PPP2R2B: variants seen among roughly 807,000 people sequenced by gnomAD.
PPP2R2B encodes the protein serine/threonine-protein phosphatase 2A 55 kDa regulatory subunit B beta isoform.
Under a neutral mutation model 46.0 loss-of-function variants are expected in PPP2R2B, and 5 were observed. That is an observed-to-expected ratio of 0.11 (90% CI 0.06 to 0.23). The LOEUF is 0.23. Ranked by LOEUF, PPP2R2B falls within the 10% of genes least tolerant of loss-of-function variation. The pLI is 1.00. For synonymous variants in PPP2R2B, 215 were observed against 206.7 expected, an observed-to-expected ratio of 1.04 and a Z score of -0.34; for missense variants, 367 against 575.0, an observed-to-expected ratio of 0.64 and a Z score of 3.70.
At chr5:146,687,181 T>C (rs1778562114) in intron 5 of PPP2R2B, among the ~76,000 whole-genome samples, 1 of 152,068 alleles carries the variant, frequency 6.6e-6, no homozygotes, top group Non-Finnish European at 1.5e-5. Context: ...AAGACAAACA[T>C]TTCAAATGCC....
chr5:146,942,735 T>C (rs745942956), intron 1 of PPP2R2B, among the ~76,000 whole-genome samples: 3 of 152,178 alleles, frequency 2.0e-5, no homozygotes, highest in Non-Finnish European at 4.4e-5. Context: ...AATATTTCTA[T>C]GTTCTCCTAT....
At chr5:146,763,940 T>A (rs143133271) in intron 2 of PPP2R2B, among the ~76,000 whole-genome samples, 1 of 152,276 alleles carries the variant, frequency 6.6e-6, no homozygotes, top group African/African-American at 2.4e-5. Flanking sequence ...TTGCACAGGC[T>A]AGTCTTGAAC....
chr5:146,748,133 T>C (rs1232214666), intron 2 of PPP2R2B, among the ~76,000 whole-genome samples: 1 of 152,186 alleles, frequency 6.6e-6, no homozygotes, highest in Non-Finnish European at 1.5e-5. Context: ...CATGGGTCTT[T>C]TATGATCCCC....
At chr5:147,080,692 C>A (rs1757945431) in intron 2 of PPP2R2B, among the ~76,000 whole-genome samples, 1 of 152,012 alleles carries the variant, frequency 6.6e-6, no homozygotes, top group African/African-American at 2.4e-5. Context: ...TCATGTATTG[C>A]CAATGGTCCT....
At chr5:147,044,845 T>C (rs945986340) in intron 1 of PPP2R2B, among the ~76,000 whole-genome samples, 3 of 152,188 alleles carry the variant, frequency 2.0e-5, no homozygotes, top group African/African-American at 4.8e-5. Context: ...TCTTGCTGAA[T>C]AAACATGATA....
intron 1 of PPP2R2B, among the ~76,000 whole-genome samples, chr5:146,911,197 C>A (rs1763169857): frequency 6.6e-6 from 1 of 151,970 alleles, no homozygotes; most frequent in Non-Finnish European, 1.5e-5. Context: ...AAAGCTCCTG[C>A]CTCAGCCTCC....
chr5:146,696,265 G>A (rs916541280), intron 4 of PPP2R2B, among the ~76,000 whole-genome samples: 19 of 152,022 alleles, frequency 1.2e-4, no homozygotes, highest in African/African-American at 3.6e-4. Context: ...CACCACACCC[G>A]GCTAATTTTT....
At chr5:147,072,073 G>A (rs1490897654) in intron 2 of PPP2R2B, among the ~76,000 whole-genome samples, 1 of 152,174 alleles carries the variant, frequency 6.6e-6, no homozygotes, top group African/African-American at 2.4e-5. Context: ...AATTTCTGGT[G>A]TAGGATTCAA....
At chr5:146,605,894 C>T (rs1166314584) in intron 7 of PPP2R2B, among the ~76,000 whole-genome samples, 1 of 152,124 alleles carries the variant, frequency 6.6e-6, no homozygotes, top group Non-Finnish European at 1.5e-5. Context: ...TCTTATGTGC[C>T]TTGTGTAGAC....
chr5:147,073,148 G>A (rs1481857260), intron 2 of PPP2R2B, among the ~76,000 whole-genome samples: 1 of 152,170 alleles, frequency 6.6e-6, no homozygotes, highest in African/African-American at 2.4e-5. Context: ...ATAAATATTT[G>A]TTAATTAAAC....
At chr5:147,031,129 C>T (rs879484852) in intron 1 of PPP2R2B, among the ~76,000 whole-genome samples, 16 of 151,686 alleles carry the variant, frequency 1.1e-4, no homozygotes, top group Non-Finnish European at 1.9e-4. Context: ...CCCAGCCACT[C>T]GGGAGGCTGA....
chr5:146,677,211 A>G (rs377507819), intron 5 of PPP2R2B, among the ~76,000 whole-genome samples: 9 of 152,330 alleles, frequency 5.9e-5, no homozygotes, highest in African/African-American at 1.9e-4. Context: ...AATTGGACAG[A>G]GTTTTCGCTT....
At position 146,878,415 on chromosome 5, in the gene PPP2R2B, G is replaced by A. The variant is rs2151420418; in HGVS notation, c.-125+176C>T. 1.5e-6 allele frequency: 2 copies of A among 1,375,420 alleles called. No individual in the cohort carries two copies. Among genetic ancestry groups the A allele is most frequent in the East Asian group, 2.7e-5 (1 of 37,620 alleles). The allele number at this position is 1,375,420 out of a possible 1,614,324, so 85.2% of individuals were successfully genotyped here. On this transcript the variant is annotated intron_variant, in intron 1 of 9. Coordinates refer to ENST00000394411, the MANE Select transcript of PPP2R2B (RefSeq NM_181675.4). The surrounding 1 kb of genome is among the most constrained non-coding windows in gnomAD (Gnocchi z 4.5). ...GGTCTGGTCCCGCCCGCCCGCCCCG[G>A]AGGCGCTCACAAGCGGGTCTGGGGA...
chr5:146,935,239 T>G (rs1354541644), intron 1 of PPP2R2B, among the ~76,000 whole-genome samples: 1 of 152,312 alleles, frequency 6.6e-6, no homozygotes, highest in East Asian at 1.9e-4. Flanking sequence ...AGTGCCATTA[T>G]GTAATAGGCT....
chr5:147,024,336 G>C (rs902573131), intron 1 of PPP2R2B, among the ~76,000 whole-genome samples: 26 of 152,064 alleles, frequency 1.7e-4, no homozygotes, highest in African/African-American at 6.3e-4. Context: ...AAAACTAACT[G>C]AAGCAAAAGG....
intron 1 of PPP2R2B, among the ~76,000 whole-genome samples, chr5:146,994,382 C>G (rs929632779): frequency 1.3e-5 from 2 of 152,086 alleles, no homozygotes; most frequent in Admixed American, 6.5e-5. Flanking sequence ...CTCCAGAAGC[C>G]AACTCTGAGT....
In PPP2R2B at chr5:146,590,010, T is replaced by C. The variant is rs774934198; in HGVS notation, c.1269A>G (p.Ser423=). 5 of 1,614,230 alleles carry C rather than the reference T, an allele frequency of 3.1e-6. No homozygotes were observed. In the East Asian group the frequency reaches 1.1e-4, roughly 36 times the overall value. ...TAGCCGCCACTGCTATAATATTTTC[T>C]GAAGGATGCCAAGCTGTATGCAAGA... The part of the protein sequence containing the change: ...KKILHTAWHP[S]ENIIAVAATN... The change falls in exon 10 of 10, where the codon TCA becomes TCG. Residue 423 remains serine (S), a synonymous_variant. Transcript: ENST00000394411.
At chr5:146,727,262 A>G (rs1751932545) in intron 2 of PPP2R2B, among the ~76,000 whole-genome samples, 1 of 151,314 alleles carries the variant, frequency 6.6e-6, no homozygotes, top group African/African-American at 2.4e-5. Context: ...AAGGACAGGA[A>G]GGATGTGGAT....
chr5:146,907,034 G>A (rs1763023565), intron 1 of PPP2R2B, among the ~76,000 whole-genome samples: 1 of 152,198 alleles, frequency 6.6e-6, no homozygotes, highest in Non-Finnish European at 1.5e-5. Flanking sequence ...GACCAGGAAA[G>A]GCAAGAGGCT....
Sources: gnomAD v4.1 joint callset for allele counts (sites outside exome capture counted in the v4.1 genomes callset) on GRCh38, gnomAD v4.1.1 for gene constraint, Gnocchi (gnomAD v3.1) non-coding constraint, MANE v1.5 for transcripts, NCBI Gene and HGNC (gene_info 2026-07-23, HGNC 2026-07-21) for gene names.